The following PKD1L1 variants were observed in gnomAD, a reference collection of about 807,000 sequenced individuals.
PKD1L1 encodes polycystin-1-like protein 1.
A neutral mutation model predicts 323.4 loss-of-function variants in PKD1L1; 236 were observed. The observed-to-expected ratio is 0.73, with a 90% confidence interval of 0.66 to 0.81. The LOEUF is 0.81. Among genes scored for constraint, PKD1L1 ranks in the 40% least tolerant of loss-of-function variants. The pLI is 0.00. For missense variants in PKD1L1, 3,320 were observed against 3,508.0 expected, an observed-to-expected ratio of 0.95 and a Z score of 1.35; for synonymous variants, 1,344 against 1,335.0, an observed-to-expected ratio of 1.01 and a Z score of -0.15.
chr7:47,921,923 C>T (rs1787551470), intron 7 of PKD1L1, among the ~76,000 whole-genome samples: 1 of 149,844 alleles, frequency 6.7e-6, no homozygotes, highest in African/African-American at 2.5e-5. Context: ...CCCTCTCCCT[C>T]TCCCTCTCTC....
Position 47,829,297 on chromosome 7 carries a change from TAAGAC to T in PKD1L1, c.6735+123_6735+127del, listed in dbSNP as rs1352839268. The T allele has an allele frequency of 6.7e-5, 60 of 900,506 alleles. No individual in the cohort carries two copies. In the East Asian group the frequency reaches 1.6e-3, roughly 23 times the overall value. 55.8% of individuals were successfully genotyped at this position (900,506 alleles called of 1,614,324 possible). A position where few individuals can be genotyped will look rare whatever the true frequency, so the allele number is the denominator to read the frequency against. ...GTATGTGCAAAGAAGCATAAGAAAT[TAAGAC>T]ATCCCATGGGTCTCCAAAGATGCAA... On this transcript the variant is annotated intron_variant, in intron 44 of 56. Coordinates refer to ENST00000289672, the MANE Select transcript of PKD1L1 (RefSeq NM_138295.5).
At chr7:47,802,897 G>T (rs1784695208) in intron 53 of PKD1L1, among the ~76,000 whole-genome samples, 1 of 152,216 alleles carries the variant, frequency 6.6e-6, no homozygotes, top group South Asian at 2.1e-4. Context: ...GAGGCCCAAA[G>T]TGCCATTCCT....
intron 17 of PKD1L1, among the ~76,000 whole-genome samples, chr7:47,887,646 A>T (rs1408666351): frequency 6.6e-6 from 1 of 152,228 alleles, no homozygotes; most frequent in Admixed American, 6.5e-5. Context: ...AAGACAGGCG[A>T]GGTGGTGACG....
At chr7:47,889,044 T>C (rs111317686) in intron 16 of PKD1L1, among the ~76,000 whole-genome samples, 8,010 of 151,994 alleles carry the variant, frequency 0.053, 545 homozygotes, top group African/African-American at 0.16. Context: ...TGAGGAGCCA[T>C]GGTGGGAGAG....
At chr7:47,906,560 T>C (rs1787211761) in intron 9 of PKD1L1, among the ~76,000 whole-genome samples, 1 of 152,140 alleles carries the variant, frequency 6.6e-6, no homozygotes, top group Non-Finnish European at 1.5e-5. Context: ...TACATACATA[T>C]GGAGGTGGAT....
intron 51 of PKD1L1, chr7:47,809,190 G>A (rs1429782952): frequency 8.2e-6 from 2 of 242,452 alleles, no homozygotes; most frequent in Non-Finnish European, 1.6e-5. Context: ...TACATACAAG[G>A]TCAGAATCAA....
chr7:47,912,072 T>C (rs1201485173), intron 8 of PKD1L1, among the ~76,000 whole-genome samples: 2 of 151,940 alleles, frequency 1.3e-5, no homozygotes, highest in Non-Finnish European at 2.9e-5. Flanking sequence ...ATTCAGGAAA[T>C]ACTCATAATA....
At chr7:47,825,845 T>C (rs1481104464) in intron 45 of PKD1L1, among the ~76,000 whole-genome samples, 1 of 152,172 alleles carries the variant, frequency 6.6e-6, no homozygotes, top group Non-Finnish European at 1.5e-5. Context: ...TGTATATAAA[T>C]ATGATATTGG....
intron 55 of PKD1L1, among the ~76,000 whole-genome samples, chr7:47,795,074 T>C (rs1784489657): frequency 6.6e-6 from 1 of 152,242 alleles, no homozygotes; most frequent in African/African-American, 2.4e-5. Flanking sequence ...GGGTTAATGC[T>C]AAAATGAGTT....
chr7:47,931,238 C>A lies in PKD1L1; in HGVS notation c.603G>T (p.Ala201=). 6.2e-7 allele frequency: 1 copy of A among 1,614,236 alleles called. No homozygotes were observed. Among genetic ancestry groups the A allele is most frequent in the South Asian group, 1.1e-5 (1 of 91,086 alleles). The part of the protein sequence containing the change: ...SCCVLRLLCC[A]EDVATGLLPG... The stretch of plus-strand genomic sequence containing the variant: ...GAAGCAGCCCCGTGGCCACATCCTC[C>A]GCACAGCACAGCAGTCTCAGGACAC... Residue 201 remains alanine (A), a synonymous_variant, in exon 6 of 57, where the codon GCG becomes GCT. Transcript: ENST00000289672.
Position 47,833,208 on chromosome 7 carries a change from C to A in PKD1L1, c.6219G>T (p.Arg2073Ser). 1 of 1,612,896 alleles carries A rather than the reference C, an allele frequency of 6.2e-7. No homozygotes were observed. The change falls in exon 41 of 57, where the codon AGG becomes AGT. Residue 2073 changes from arginine (R) to serine (S), a missense_variant. Coordinates refer to ENST00000289672, the MANE Select transcript of PKD1L1 (RefSeq NM_138295.5). ...AILSGSGRAQ[R>S]KAASDNGTAC... Reference sequence around the variant, plus strand: ...CTGTGCCATTGTCACTTGCCGCCTTCCTTTGGGCCCTGCCACTCCCAGAGA... The same window carrying A: ...CTGTGCCATTGTCACTTGCCGCCTTACTTTGGGCCCTGCCACTCCCAGAGA...
At chr7:47,867,288 T>C (rs1422155641) in intron 24 of PKD1L1, among the ~76,000 whole-genome samples, 2 of 152,186 alleles carry the variant, frequency 1.3e-5, no homozygotes, top group Admixed American at 1.3e-4. Context: ...GACCAATAAG[T>C]GATTTATGGA....
chr7:47,800,437 C>T (rs978383647), intron 54 of PKD1L1, among the ~76,000 whole-genome samples: 2 of 152,136 alleles, frequency 1.3e-5, no homozygotes, highest in South Asian at 2.1e-4. Flanking sequence ...TGGCTGCTCT[C>T]GTGCTGGACT....
In PKD1L1 at chr7:47,803,210, C is replaced by T. The variant is rs1220110364; in HGVS notation, c.7962G>A (p.Gly2654=). The part of the protein sequence containing the change: ...RHSLPSIFVA[G]LVGALMLAAL... ...ACCTGATAAAGGGGAGAGTTCTTACCCCTGCTACAAAGATGCTGGGGAGTG... is the reference window on the plus strand; with the variant it reads ...ACCTGATAAAGGGGAGAGTTCTTACTCCTGCTACAAAGATGCTGGGGAGTG... Residue 2654 remains glycine, a splice_region_variant and synonymous_variant, in exon 53 of 57, where the codon GGG becomes GGA. Coordinates refer to ENST00000289672, the MANE Select transcript of PKD1L1 (RefSeq NM_138295.5). 2 of 1,614,012 alleles carry T rather than the reference C, an allele frequency of 1.2e-6. No homozygotes were observed. Among genetic ancestry groups the T allele is most frequent in the East Asian group, 4.5e-5 (2 of 44,868 alleles).
chr7:47,875,481 A>T (rs1786383969), intron 23 of PKD1L1, among the ~76,000 whole-genome samples: 1 of 152,174 alleles, frequency 6.6e-6, no homozygotes, highest in Admixed American at 6.5e-5. Context: ...GAAACTTAAA[A>T]AGTCACCAAC....
At chr7:47,955,759 C>T in the PKD1L1 span, among the ~76,000 whole-genome samples, 2 of 152,172 alleles carry the variant, frequency 1.3e-5, no homozygotes, top group African/African-American at 4.8e-5. Context: ...TCTTTTCAGG[C>T]ATTACATATA....
upstream of PKD1L1, among the ~76,000 whole-genome samples, chr7:47,948,894 T>C (rs139942776): frequency 1.1e-4 from 16 of 152,002 alleles, no homozygotes; most frequent in African/African-American, 2.2e-4. Context: ...GAGGTGGAGG[T>C]TGCAGTGAGA....
At chr7:47,941,620 AGT>A (rs1425077649) in intron 2 of PKD1L1, among the ~76,000 whole-genome samples, 2 of 152,260 alleles carry the variant, frequency 1.3e-5, no homozygotes, top group African/African-American at 2.4e-5. Flanking sequence ...AATGCCATCG[AGT>A]GCCATTGAGC....
rs1394070930 is a variant in PKD1L1, at chr7:47,929,512, G to A, written c.752C>T (p.Pro251Leu). 12 of 1,612,956 alleles carry A rather than the reference G, an allele frequency of 7.4e-6. No homozygotes were observed. The highest frequency in any genetic ancestry group is 1.7e-5 in the Admixed American group (1 of 59,918). Residue 251 changes from proline to leucine, a missense_variant, in exon 7 of 57, where the codon CCG (proline) becomes CTG (leucine). Coordinates refer to ENST00000289672, the MANE Select transcript of PKD1L1 (RefSeq NM_138295.5). ...PTSPRSSHGL[P>L]PGIPRTPSFT... ...GCTGGGGGTGCGAGGAATGCCAGGC[G>A]GAAGGCCGTGGGAGCTGTGGGAGAG...
Sources: allele counts gnomAD v4.1 joint callset (sites outside exome capture counted in the v4.1 genomes callset), GRCh38; gene constraint gnomAD v4.1.1; transcripts MANE v1.5; gene names NCBI Gene and HGNC (gene_info 2026-07-23, HGNC 2026-07-21).